The following TOP2A variants were observed in gnomAD, a reference collection of about 807,000 sequenced individuals.
TOP2A encodes the protein DNA topoisomerase II alpha.
Under a neutral mutation model 187.2 loss-of-function variants are expected in TOP2A, and 68 were observed. That is an observed-to-expected ratio of 0.36 (90% CI 0.30 to 0.44). The LOEUF is 0.44. Among genes scored for constraint, TOP2A ranks in the 20% least tolerant of loss-of-function variants. TOP2A has a pLI of 1.00. For synonymous variants in TOP2A, 542 were observed against 593.2 expected (o/e 0.91, Z 1.25); for missense variants, 1,196 against 1,808.7 (o/e 0.66, Z 6.14).
At chr17:40,416,679 C>T in intron 2 of TOP2A, 61 bp downstream of exon 2, 1 of 1,566,632 alleles carries the variant, frequency 6.4e-7, no homozygotes, top group Non-Finnish European at 8.7e-7. Flanking sequence ...ATGAAAGGTA[C>T]AGAAAGAAGA....
chr17:40,404,588 T>A, intron 17 of TOP2A, 97 bp from the exon 18 acceptor site: 1 of 782,994 alleles, frequency 1.3e-6, no homozygotes, highest in Non-Finnish European at 2.1e-6. Flanking sequence ...ATTATTTCTG[T>A]AATTCTTAAG....
At chr17:40,392,891 T>C (rs574947804) in intron 29 of TOP2A, among the ~76,000 whole-genome samples, 154 bp from the exon 30 acceptor site, 2 of 152,290 alleles carry the variant, frequency 1.3e-5, no homozygotes, top group South Asian at 2.1e-4. Context: ...TTGTGGTGCA[T>C]ATAGCTTGGT....
At position 40,406,665 on chromosome 17, in the gene TOP2A, C is replaced by G; in HGVS notation, c.1762G>C (p.Ala588Pro). 1 of 1,612,210 alleles carries G rather than the reference C, an allele frequency of 6.2e-7. No individual in the cohort carries two copies. The highest frequency in any genetic ancestry group is 8.5e-7 in the Non-Finnish European group (1 of 1,179,482). ...VKVSKNKQEMAFYSLPEFEEW... is the reference protein window; with the variant it reads ...VKVSKNKQEMPFYSLPEFEEW... ...TCAAATTCAGGAAGGCTGTAAAATG[C>G]CATTTCTTGCTTGTTTTTAGATACC... The change falls in exon 15 of 35, where the codon GCA becomes CCA. Residue 588 changes from alanine (A) to proline (P), a missense_variant. By Grantham distance (27) the Ala-to-Pro change is conservative (BLOSUM62 -1). Coordinates refer to ENST00000423485, the MANE Select transcript of TOP2A (RefSeq NM_001067.4).
chr17:40,403,017 T>A lies in TOP2A; in HGVS notation c.2321A>T (p.Asn774Ile), dbSNP rs61756342. ...GTTTAGATTATTGCTACCCACAAAA[T>A]TCTGAGCCAAATTGATAATGGTCAT... Reference protein sequence around the residue: ...LMMTIINLAQNFVGSNNLNLL... With the variant: ...LMMTIINLAQIFVGSNNLNLL... The change falls in exon 20 of 35, where the codon AAT becomes ATT. Residue 774 changes from asparagine to isoleucine, a missense_variant. Physicochemically the swap from Asn to Ile is moderately radical, Grantham distance 149. Around this residue, in one of 10 missense-constraint regions of TOP2A, gnomAD observed 209 missense variants for 376.9 expected, o/e 0.55. Coordinates refer to ENST00000423485, the MANE Select transcript of TOP2A (RefSeq NM_001067.4). The A allele has an allele frequency of 1.4e-3, 2,289 of 1,601,702 alleles. 4 individuals carry two copies. The highest frequency in any genetic ancestry group is 4.6e-3 in the Middle Eastern group (28 of 6,050).
intron 19 of TOP2A, among the ~76,000 whole-genome samples, chr17:40,403,656 G>A (rs2035207185): frequency 6.6e-6 from 1 of 152,146 alleles, no homozygotes. Context: ...AAACAATTCA[G>A]ACACATATAA....
In TOP2A at chr17:40,392,206, T is replaced by C. The variant is rs760771889; in HGVS notation, c.4088+12A>G. ...CAATCATGACAAAACCCATATTAGA[T>C]AAGATACTTGCTTTGGGGAAGTTTT... On this transcript the variant is annotated intron_variant, in intron 31 of 34. Transcript: ENST00000423485. 9 of 1,613,010 alleles carry C rather than the reference T, an allele frequency of 5.6e-6. No individual in the cohort carries two copies. The highest frequency in any genetic ancestry group is 3.3e-5 in the Admixed American group (2 of 59,864).
At position 40,401,040 on chromosome 17, in the gene TOP2A, G is replaced by A. The variant is rs778354642; in HGVS notation, c.2474C>T (p.Thr825Met). Residue 825 changes from threonine (T) to methionine (M), a missense_variant, in exon 21 of 35, where the codon ACG (threonine) becomes ATG (methionine). Around this residue, in one of 10 missense-constraint regions of TOP2A, gnomAD observed 209 missense variants for 376.9 expected, o/e 0.55. Transcript: ENST00000423485. ...RLLFPPKDDH[T>M]LKFLYDDNQR... ...GTTGTCATCATATAAAAACTTCAACGTGTGATCATCTTTTGGTGGAAATAA... is the reference window on the plus strand; with the variant it reads ...GTTGTCATCATATAAAAACTTCAACATGTGATCATCTTTTGGTGGAAATAA... 5 of 1,613,686 alleles carry A rather than the reference G, an allele frequency of 3.1e-6. No homozygotes were observed. Among genetic ancestry groups the A allele is most frequent in the African/African-American group, 2.7e-5 (2 of 74,876 alleles).
At chr17:40,409,723 T>C in intron 10 of TOP2A, 1 of 206,248 alleles carries the variant, frequency 4.8e-6, no homozygotes, top group South Asian at 6.2e-5. Flanking sequence ...GAGATTGCAA[T>C]GAGCCAGGAT....
At position 40,390,154 on chromosome 17, in the gene TOP2A, G is replaced by A. The variant is rs777122064; in HGVS notation, c.4278C>T (p.Ser1426=). 24 of 1,611,126 alleles carry A rather than the reference G, an allele frequency of 1.5e-5. No homozygotes were observed. In the African/African-American group the frequency reaches 2.8e-4, roughly 19 times the overall value. The change falls in exon 34 of 35, where the codon TCC becomes TCT. Residue 1426 remains serine, a synonymous_variant. Coordinates refer to ENST00000423485, the MANE Select transcript of TOP2A (RefSeq NM_001067.4). Reference sequence around the variant, plus strand: ...TTTTTTTGGCACCGGTAGTGGAGGTGGAAGACTGACCTGCAATTCAATACA... The same window carrying A: ...TTTTTTTGGCACCGGTAGTGGAGGTAGAAGACTGACCTGCAATTCAATACA... ...VKKTAAKSQS[S]TSTTGAKKRA...
chr17:40,393,808 C>A (rs1265994842), intron 29 of TOP2A, among the ~76,000 whole-genome samples: 2 of 152,086 alleles, frequency 1.3e-5, no homozygotes, highest in Non-Finnish European at 2.9e-5. Context: ...ACGGGCTTAG[C>A]AAAATGGGAG....
At chr17:40,415,658 T>C (rs1177084445) in intron 4 of TOP2A, among the ~76,000 whole-genome samples, 2 of 152,232 alleles carry the variant, frequency 1.3e-5, no homozygotes, top group East Asian at 3.8e-4. Flanking sequence ...GTAATTTATT[T>C]TGAAATGATC....
At chr17:40,401,607 G>A (rs970241257) in intron 20 of TOP2A, among the ~76,000 whole-genome samples, 1 of 152,012 alleles carries the variant, frequency 6.6e-6, no homozygotes, top group African/African-American at 2.4e-5. Context: ...AACACGGGAG[G>A]CTGAGGCAGG....
At chr17:40,398,701 A>G (rs1028989566) in intron 26 of TOP2A, 60 bp from the exon 27 acceptor site, 15 of 1,604,028 alleles carry the variant, frequency 9.4e-6, no homozygotes, top group African/African-American at 1.3e-5. Flanking sequence ...TTTTCATGCA[A>G]CACACAATTT....
chr17:40,404,530 A>C, intron 17 of TOP2A, 39 bp from the exon 18 acceptor site: 1 of 1,200,866 alleles, frequency 8.3e-7, no homozygotes, highest in Non-Finnish European at 1.2e-6. Context: ...CTACCGGTCT[A>C]AACAATGCTC....
Position 40,389,973 on chromosome 17 carries a change from T to A in TOP2A, c.4459A>T (p.Thr1487Ser). The A allele has an allele frequency of 6.2e-7, 1 of 1,613,066 alleles. No individual in the cohort carries two copies. The highest frequency in any genetic ancestry group is 1.1e-5 in the South Asian group (1 of 90,834). The change falls in exon 34 of 35, where the codon ACA (threonine) becomes TCA (serine). Residue 1487 changes from threonine to serine, a missense_variant. Coordinates refer to ENST00000423485, the MANE Select transcript of TOP2A (RefSeq NM_001067.4). ...CTAGGATCAACACTCACCTTGCTTG[T>A]GACTGCTTTCGAAACAATTTTCTCA... ...NFEKIVSKAVTSKKSKGESDD... is the reference protein window; with the variant it reads ...NFEKIVSKAVSSKKSKGESDD...
At chr17:40,405,826 G>T (rs984742184) in intron 16 of TOP2A, among the ~76,000 whole-genome samples, 2 of 151,488 alleles carry the variant, frequency 1.3e-5, no homozygotes, top group Non-Finnish European at 2.9e-5. Context: ...GAGAGCAGTG[G>T]CCTGATCTCG....
chr17:40,402,690 A>G (rs2143653892), intron 20 of TOP2A, among the ~76,000 whole-genome samples: 1 of 152,306 alleles, frequency 6.6e-6, no homozygotes, highest in South Asian at 2.1e-4. Flanking sequence ...CTCAGTCCCA[A>G]GCTCTACATC....
intron 4 of TOP2A, among the ~76,000 whole-genome samples, chr17:40,415,274 T>C (rs970386369): frequency 2.0e-5 from 3 of 152,134 alleles, no homozygotes; most frequent in African/African-American, 7.2e-5. Flanking sequence ...CAGGATGGTC[T>C]TGATCTCCTG....
intron 28 of TOP2A, among the ~76,000 whole-genome samples, chr17:40,395,904 A>T (rs2035090784): frequency 2.6e-5 from 4 of 151,998 alleles, no homozygotes; most frequent in African/African-American, 9.7e-5. Flanking sequence ...AACAACAAAA[A>T]AATTTTATAC....
Sources: gnomAD v4.1 joint callset for allele counts (sites outside exome capture counted in the v4.1 genomes callset) on GRCh38, gnomAD v4.1.1 for gene constraint, gnomAD v4.1.1 regional missense constraint, MANE v1.5 for transcripts, NCBI Gene and HGNC (gene_info 2026-07-23, HGNC 2026-07-21) for gene names.